TENM4: variants seen among roughly 807,000 people sequenced by gnomAD.
TENM4 encodes the protein teneurin transmembrane protein 4.
In TENM4, 82 loss-of-function variants were observed where a neutral mutation model predicts 243.3. The ratio of observed to expected loss-of-function variants is 0.34; its 90% CI spans 0.28 to 0.40. TENM4 has a LOEUF of 0.40. Among genes scored for constraint, TENM4 ranks in the 10% least tolerant of loss-of-function variants. The pLI is 1.00. For missense variants in TENM4, 3,138 were observed against 3,673.3 expected, an observed-to-expected ratio of 0.85 and a Z score of 3.77; for synonymous variants, 1,412 against 1,456.3, an observed-to-expected ratio of 0.97 and a Z score of 0.69.
intron 3 of TENM4, among the ~76,000 whole-genome samples, chr11:79,155,342 T>C (rs1862585452): frequency 6.6e-6 from 1 of 151,640 alleles, no homozygotes. Context: ...GGCTAAAATA[T>C]GTCTCTCTCT....
chr11:79,180,774 C>T (rs1418824550), intron 3 of TENM4, among the ~76,000 whole-genome samples: 1 of 151,116 alleles, frequency 6.6e-6, no homozygotes, highest in African/African-American at 2.4e-5. Flanking sequence ...AGCCTAAGAG[C>T]TCAAGACCAG....
chr11:78,839,966 A>G (rs1858216019), intron 12 of TENM4, among the ~76,000 whole-genome samples: 1 of 151,802 alleles, frequency 6.6e-6, no homozygotes, highest in African/African-American at 2.4e-5. Context: ...CTTCAACACA[A>G]CTCCCTGCCT....
At chr11:79,044,855 C>T (rs1188372283) in intron 6 of TENM4, among the ~76,000 whole-genome samples, 6 of 152,170 alleles carry the variant, frequency 3.9e-5, no homozygotes, top group African/African-American at 1.2e-4. Context: ...CCTGATCCTA[C>T]GGATGCACTC....
At chr11:79,147,642 T>TA (rs1318059990) in intron 4 of TENM4, among the ~76,000 whole-genome samples, 2 of 152,062 alleles carry the variant, frequency 1.3e-5, no homozygotes, top group Non-Finnish European at 2.9e-5. Context: ...GTTCTGCCAT[T>TA]ACTTATAATC....
chr11:78,788,141 C>T (rs1478411665), intron 15 of TENM4, among the ~76,000 whole-genome samples: 2 of 152,230 alleles, frequency 1.3e-5, no homozygotes, highest in East Asian at 3.8e-4. Context: ...TTGCTCATCT[C>T]CCTTCCAAAC....
chr11:79,044,942 A>G (rs1244269015), intron 6 of TENM4, among the ~76,000 whole-genome samples: 9 of 152,188 alleles, frequency 5.9e-5, no homozygotes, highest in Admixed American at 5.9e-4. Context: ...ATTATAGAAA[A>G]GTATACATAA....
intron 6 of TENM4, among the ~76,000 whole-genome samples, chr11:79,036,142 T>C (rs1246191599): frequency 6.6e-6 from 1 of 152,184 alleles, no homozygotes; most frequent in Non-Finnish European, 1.5e-5. Flanking sequence ...AGAATCTGAG[T>C]CAGTGGGGTC....
chr11:79,416,354 G>T (rs1858813657), intron 1 of TENM4, among the ~76,000 whole-genome samples: 1 of 152,150 alleles, frequency 6.6e-6, no homozygotes, highest in Non-Finnish European at 1.5e-5. Flanking sequence ...TTACATTTCT[G>T]TTGCTCCATA....
chr11:78,670,742 T>C (rs1354439934), intron 31 of TENM4, among the ~76,000 whole-genome samples, 191 bp from the exon 32 acceptor site: 1 of 152,240 alleles, frequency 6.6e-6, no homozygotes, highest in Non-Finnish European at 1.5e-5. Flanking sequence ...AGGTTACAGA[T>C]GTGCCAAGAT....
At chr11:78,946,915 C>G (rs112502468) in intron 6 of TENM4, among the ~76,000 whole-genome samples, 5,327 of 152,178 alleles carry the variant, frequency 0.035, 266 homozygotes, top group East Asian at 0.22. Flanking sequence ...TATGGATGAG[C>G]AAAGAGAGTG....
rs758518569 is a variant in TENM4, at chr11:78,701,869, T to C, written c.4744A>G (p.Ile1582Val). The C allele has an allele frequency of 1.1e-5, 17 of 1,613,950 alleles. No homozygotes were observed. The highest frequency in any genetic ancestry group is 6.7e-5 in the East Asian group (3 of 44,882). ...TQNMYELSSPIDQELYLFDTT... is the reference protein window; with the variant it reads ...TQNMYELSSPVDQELYLFDTT... ...TCAAACAGATAGAGCTCCTGGTCAA[T>C]TGGTGAAGACAGCTCATACATGTTC... The change falls in exon 28 of 34, where the codon ATT (isoleucine) becomes GTT (valine). Residue 1582 changes from isoleucine to valine, a missense_variant. This residue lies in a region of TENM4 where 2,467 missense variants were observed against 3,059.1 expected (regional missense o/e 0.81). Coordinates refer to ENST00000278550, the MANE Select transcript of TENM4 (RefSeq NM_001098816.3).
intron 2 of TENM4, among the ~76,000 whole-genome samples, chr11:79,265,949 T>A (rs1855877157): frequency 6.6e-6 from 1 of 152,180 alleles, no homozygotes; most frequent in Non-Finnish European, 1.5e-5. Flanking sequence ...TTTCCTACTC[T>A]CAGAACTCTT....
At chr11:78,942,420 GGGTGATA>G (rs1856918407) in intron 6 of TENM4, among the ~76,000 whole-genome samples, 1 of 150,562 alleles carries the variant, frequency 6.6e-6, no homozygotes, top group Non-Finnish European at 1.5e-5. Flanking sequence ...ACTCCAGCCT[GGGTGATA>G]GCACAAGACC....
chr11:78,708,563 T>C, intron 26 of TENM4, 48 bp from the exon 27 acceptor site: 1 of 1,596,382 alleles, frequency 6.3e-7, no homozygotes, highest in South Asian at 1.1e-5. Flanking sequence ...GAGATGACAA[T>C]GACCCGCACA....
rs1340062527 is a variant in TENM4, at chr11:79,438,646, G to A, written c.-321+1863C>T. Among the ~76,000 whole-genome samples, 1 of 152,214 alleles carries A rather than the reference G, an allele frequency of 6.6e-6. No homozygotes were observed. The highest frequency in any genetic ancestry group is 2.4e-5 in the African/African-American group (1 of 41,464). Reference sequence around the variant, plus strand: ...CACAGGGCTTGAAAGACAAGGAGGGGCGCCCAGGAAGGGCGGAAAAGAGGG... The same window carrying A: ...CACAGGGCTTGAAAGACAAGGAGGGACGCCCAGGAAGGGCGGAAAAGAGGG... On this transcript the variant is annotated intron_variant, in intron 1 of 33. Transcript: ENST00000278550. The surrounding 1 kb of genome is among the most constrained non-coding windows in gnomAD (Gnocchi z 4.1).
intron 1 of TENM4, among the ~76,000 whole-genome samples, chr11:79,416,580 C>A (rs936935262): frequency 3.3e-5 from 5 of 152,142 alleles, no homozygotes; most frequent in African/African-American, 1.2e-4. Flanking sequence ...TAAGGTACAA[C>A]CCTACTATGT....
At chr11:79,401,868 G>T (rs899478158) in intron 1 of TENM4, among the ~76,000 whole-genome samples, 1 of 152,148 alleles carries the variant, frequency 6.6e-6, no homozygotes, top group Non-Finnish European at 1.5e-5. Context: ...CATTCCACCC[G>T]GGGAGGAACA....
chr11:78,877,326 C>T (rs1248484394), intron 9 of TENM4, among the ~76,000 whole-genome samples: 3 of 152,208 alleles, frequency 2.0e-5, no homozygotes, highest in African/African-American at 4.8e-5. Flanking sequence ...CCGCCTTGTC[C>T]CCTAAGCCTA....
intron 6 of TENM4, among the ~76,000 whole-genome samples, chr11:78,923,851 T>C (rs1472133947): frequency 6.7e-6 from 1 of 150,346 alleles, no homozygotes; most frequent in African/African-American, 2.4e-5. Context: ...TTCTTTTTTT[T>C]TTTTCTTTTC....
Sources: allele counts gnomAD v4.1 joint callset (sites outside exome capture counted in the v4.1 genomes callset), GRCh38; gene constraint gnomAD v4.1.1; regional missense constraint gnomAD v4.1.1; non-coding constraint Gnocchi (gnomAD v3.1); transcripts MANE v1.5; gene names NCBI Gene and HGNC (gene_info 2026-07-23, HGNC 2026-07-21).